Variants in KLHL29 observed in about 807,000 individuals in gnomAD.
KLHL29 encodes kelch like family member 29, also known as kelch-like protein 29.
KLHL29 carries 21 observed loss-of-function variants against 80.4 expected under a neutral mutation model. The observed-to-expected ratio is 0.26, with a 90% CI of 0.19 to 0.38. The LOEUF is 0.38. Among genes scored for constraint, KLHL29 ranks in the 10% least tolerant of loss-of-function variants. The pLI, the probability that KLHL29 is intolerant of heterozygous loss-of-function variation, is 1.00. For synonymous variants in KLHL29, 511 were observed against 526.8 expected, an observed-to-expected ratio of 0.97 and a Z score of 0.41; for missense variants, 867 against 1,223.9, an observed-to-expected ratio of 0.71 and a Z score of 4.35.
chr2:23,696,876 C>T lies in KLHL29; in HGVS notation c.2105+363C>T. ...CAGGGAACACCCTGCACCATGAGCA[C>T]CAGCCCAGAGACTGCTGGGGTTTCG... On this transcript the variant is annotated intron_variant, in intron 11 of 13. Transcript: ENST00000486442. This position sits in a 1 kb window ranked among gnomAD's most constrained non-coding sequence, Gnocchi z 5.5. The T allele has an allele frequency of 5.1e-6, 1 of 194,330 alleles. No homozygotes were observed. Among genetic ancestry groups the T allele is most frequent in the Non-Finnish European group, 1.1e-5 (1 of 94,768 alleles). The allele number at this position is 194,330 out of a possible 1,614,324, so 12.0% of individuals were successfully genotyped here. A position where few individuals can be genotyped will look rare whatever the true frequency, so the allele number is the denominator to read the frequency against.
chr2:23,507,098 C>A (rs891631541), intron 2 of KLHL29: 12 of 449,548 alleles, frequency 2.7e-5, no homozygotes, highest in South Asian at 1.6e-4. Context: ...CGCATTTCCT[C>A]AGGCTCAACA....
intron 2 of KLHL29, among the ~76,000 whole-genome samples, chr2:23,536,652 TG>T (rs1308353805): frequency 6.6e-6 from 1 of 152,212 alleles, no homozygotes; most frequent in Non-Finnish European, 1.5e-5. Flanking sequence ...AAAATACTGC[TG>T]GATTCTTGAG....
chr2:23,564,528 G>A (rs1049264257), intron 3 of KLHL29, among the ~76,000 whole-genome samples: 23 of 152,196 alleles, frequency 1.5e-4, no homozygotes, highest in African/African-American at 5.1e-4. Flanking sequence ...GTCCCTTGGT[G>A]CCCAGGAGCA....
intron 1 of KLHL29, among the ~76,000 whole-genome samples, chr2:23,416,304 T>A (rs1418155984): frequency 6.6e-6 from 1 of 152,174 alleles, no homozygotes; most frequent in Non-Finnish European, 1.5e-5. Context: ...TGGGACTGGA[T>A]GTCTTGCAGC....
At chr2:23,483,658 T>A (rs1485904076) in intron 2 of KLHL29, among the ~76,000 whole-genome samples, 1 of 152,210 alleles carries the variant, frequency 6.6e-6, no homozygotes, top group African/African-American at 2.4e-5. Flanking sequence ...CAAAGTGTTT[T>A]CATAGCTTCC....
intron 2 of KLHL29, among the ~76,000 whole-genome samples, chr2:23,501,699 C>A (rs1333458893): frequency 6.6e-6 from 1 of 152,116 alleles, no homozygotes; most frequent in African/African-American, 2.4e-5. Context: ...GATTTTGTTA[C>A]CACTGACAGC....
At chr2:23,640,570 C>G (rs1164086988) in intron 4 of KLHL29, among the ~76,000 whole-genome samples, 1 of 152,236 alleles carries the variant, frequency 6.6e-6, no homozygotes, top group East Asian at 1.9e-4. Flanking sequence ...CTCCCCTCTT[C>G]AGGCTTGGGG....
chr2:23,562,172 T>G lies in KLHL29; in HGVS notation c.-25T>G, dbSNP rs535722854. On this transcript the variant is annotated 5_prime_UTR_variant, in exon 3 of 14. Transcript: ENST00000486442. The surrounding 1 kb of genome is among the most constrained non-coding windows in gnomAD (Gnocchi z 4.5). The stretch of plus-strand genomic sequence containing the variant: ...CACAGGTCCGGGCTCTGTTTCCCTG[T>G]GAGAAGCCGCCTCGGCCCACCGAGA... 3.5e-5 allele frequency: 55 copies of G among 1,549,562 alleles called. No homozygotes were observed. In the Admixed American group the frequency reaches 1.1e-3, roughly 30 times the overall value.
At chr2:23,539,941 C>T (rs80241514) in intron 2 of KLHL29, among the ~76,000 whole-genome samples, 2 of 152,174 alleles carry the variant, frequency 1.3e-5, no homozygotes, top group Admixed American at 1.3e-4. Flanking sequence ...TTCGTCCCAT[C>T]GTTCCACCTC....
At chr2:23,580,867 A>G (rs2103509167) in intron 3 of KLHL29, among the ~76,000 whole-genome samples, 1 of 144,416 alleles carries the variant, frequency 6.9e-6, no homozygotes, top group East Asian at 2.1e-4. Flanking sequence ...AGTCCTAGCT[A>G]CTCAGGAGGC....
chr2:23,390,708 A>C (rs1237487174), intron 1 of KLHL29, among the ~76,000 whole-genome samples: 1 of 148,146 alleles, frequency 6.8e-6, no homozygotes, highest in South Asian at 2.1e-4. Context: ...CTGGAGTGCA[A>C]TGACACAATC....
chr2:23,663,139 T>TCGCTACTCCC (rs1301502172), intron 5 of KLHL29, among the ~76,000 whole-genome samples: 6 of 152,166 alleles, frequency 3.9e-5, no homozygotes, highest in Admixed American at 3.9e-4. Context: ...TCGCTGCTCC[T>TCGCTACTCCC]CGCTACTCCC....
chr2:23,705,621 G>A (rs77434252), intron 13 of KLHL29, among the ~76,000 whole-genome samples: 7,146 of 152,280 alleles, frequency 0.047, 231 homozygotes, highest in Middle Eastern at 0.075. Context: ...AACTAAGGGA[G>A]AGAAGACTGG....
At chr2:23,486,083 G>C (rs1239376149) in intron 2 of KLHL29, among the ~76,000 whole-genome samples, 7 of 152,124 alleles carry the variant, frequency 4.6e-5, no homozygotes, top group Non-Finnish European at 1.0e-4. Flanking sequence ...AGTCGTAGGG[G>C]ATGTCTGTCT....
Position 23,537,029 on chromosome 2 carries a change from C to T in KLHL29, c.-45-25123C>T, listed in dbSNP as rs144016076. Among the ~76,000 whole-genome samples, 257 of 152,142 alleles carry T rather than the reference C, an allele frequency of 1.7e-3. 3 individuals carry two copies. Among genetic ancestry groups the T allele is most frequent in the East Asian group, 1.2e-3 (6 of 5,168 alleles). On this transcript the variant is annotated intron_variant, in intron 2 of 13. Transcript: ENST00000486442. ...GCTGGCATCCCCATTTTGTCCGTTA[C>T]GTCCCTGTTCTTGGCAGAAACTTGA... is the stretch of plus-strand genomic sequence containing the variant.
intron 5 of KLHL29, among the ~76,000 whole-genome samples, chr2:23,662,003 G>T (rs1670422208): frequency 6.6e-6 from 1 of 152,194 alleles, no homozygotes; most frequent in Admixed American, 6.5e-5. Flanking sequence ...TTGAGTGTAT[G>T]AGTGAATGAA....
At chr2:23,694,644 A>C (rs1671835116) in intron 8 of KLHL29, among the ~76,000 whole-genome samples, 1 of 152,110 alleles carries the variant, frequency 6.6e-6, no homozygotes, top group South Asian at 2.1e-4. Flanking sequence ...CCTCAACAAA[A>C]TCCTGTTACA....
chr2:23,531,784 C>A (rs533279075), intron 2 of KLHL29, among the ~76,000 whole-genome samples: 1 of 152,334 alleles, frequency 6.6e-6, no homozygotes, highest in African/African-American at 2.4e-5. Flanking sequence ...CTGAACATGT[C>A]CTTAAAGGAA....
At chr2:23,469,466 C>G (rs1664437674) in intron 1 of KLHL29, among the ~76,000 whole-genome samples, 1 of 152,138 alleles carries the variant, frequency 6.6e-6, no homozygotes, top group South Asian at 2.1e-4. Flanking sequence ...GCCCGCAGCA[C>G]CAGGCAGAGG....
Sources: allele counts gnomAD v4.1 joint callset (sites outside exome capture counted in the v4.1 genomes callset), GRCh38; gene constraint gnomAD v4.1.1; non-coding constraint Gnocchi (gnomAD v3.1); transcripts MANE v1.5; gene names NCBI Gene and HGNC (gene_info 2026-07-23, HGNC 2026-07-21).